Variants in LRP1B observed in about 807,000 individuals in gnomAD.
LRP1B encodes low-density lipoprotein receptor-related protein 1B.
LRP1B carries 217 observed loss-of-function variants against 556.6 expected under a neutral mutation model. That is an observed-to-expected ratio of 0.39 (90% CI 0.35 to 0.44). LRP1B has a LOEUF of 0.44. Among genes scored for constraint, LRP1B ranks in the 20% least tolerant of loss-of-function variants. The pLI is 1.00. For synonymous variants in LRP1B, 2,047 were observed against 1,865.8 expected (o/e 1.10, Z -2.50); for missense variants, 5,053 against 5,620.8 (o/e 0.90, Z 3.23).
intron 35 of LRP1B, among the ~76,000 whole-genome samples, chr2:140,746,450 T>C (rs910380518): frequency 6.6e-6 from 1 of 152,124 alleles, no homozygotes; most frequent in Non-Finnish European, 1.5e-5. Context: ...AGGTAGATGG[T>C]TTTCCTAATT....
At chr2:142,045,109 C>T (rs570941865) in intron 1 of LRP1B, among the ~76,000 whole-genome samples, 157 of 147,922 alleles carry the variant, frequency 1.1e-3, no homozygotes, top group African/African-American at 3.5e-3. Context: ...AATGCAAATA[C>T]GCATTTTCTA....
At chr2:141,934,283 G>A (rs1421162669) in intron 1 of LRP1B, among the ~76,000 whole-genome samples, 1 of 151,960 alleles carries the variant, frequency 6.6e-6, no homozygotes, top group Non-Finnish European at 1.5e-5. Flanking sequence ...ATGGAGGCTG[G>A]ACTGATGATG....
At chr2:141,097,230 G>A (rs1343559127) in intron 7 of LRP1B, among the ~76,000 whole-genome samples, 1 of 152,106 alleles carries the variant, frequency 6.6e-6, no homozygotes, top group Non-Finnish European at 1.5e-5. Flanking sequence ...AGAATCTATG[G>A]TAATTTATGC....
At chr2:141,310,712 CT>C (rs1553492465) in intron 3 of LRP1B, among the ~76,000 whole-genome samples, 3 of 152,020 alleles carry the variant, frequency 2.0e-5, no homozygotes. Flanking sequence ...AACCAATACA[CT>C]TTGTTAAAGT....
chr2:140,303,373 G>A (rs1408536042), intron 83 of LRP1B, among the ~76,000 whole-genome samples: 1 of 151,660 alleles, frequency 6.6e-6, no homozygotes. Context: ...TCAGCCTCCT[G>A]AGTAGCTGGA....
At chr2:142,060,982 G>A (rs1318326931) in intron 1 of LRP1B, among the ~76,000 whole-genome samples, 1 of 151,884 alleles carries the variant, frequency 6.6e-6, no homozygotes, top group Non-Finnish European at 1.5e-5. Context: ...AAGGAAACAG[G>A]AGTGAAGTTA....
At chr2:141,545,736 G>A (rs190452085) in intron 2 of LRP1B, among the ~76,000 whole-genome samples, 31 of 152,202 alleles carry the variant, frequency 2.0e-4, no homozygotes, top group African/African-American at 7.0e-4. Flanking sequence ...TGATCATAAA[G>A]AGACATGGCA....
chr2:140,988,050 G>A (rs548509720), intron 17 of LRP1B, among the ~76,000 whole-genome samples: 4 of 152,194 alleles, frequency 2.6e-5, no homozygotes, highest in Admixed American at 2.6e-4. Context: ...TATGGCAAGA[G>A]CAACTTGAGC....
At chr2:141,974,924 T>TC (rs1701843664) in intron 1 of LRP1B, among the ~76,000 whole-genome samples, 1 of 152,078 alleles carries the variant, frequency 6.6e-6, no homozygotes, top group African/African-American at 2.4e-5. Context: ...TAATTTGTTT[T>TC]CCCCCTCTTT....
intron 27 of LRP1B, among the ~76,000 whole-genome samples, chr2:140,858,152 A>C (rs547826806): frequency 6.6e-6 from 1 of 152,270 alleles, no homozygotes; most frequent in Non-Finnish European, 1.5e-5. Context: ...GAAGGATCTA[A>C]TAAACATTGT....
At chr2:140,525,781 T>C in intron 49 of LRP1B, 63 bp downstream of exon 49, 1 of 1,520,548 alleles carries the variant, frequency 6.6e-7, no homozygotes, top group Non-Finnish European at 9.0e-7. Flanking sequence ...ATTCACTCTA[T>C]ACAACCAGGT....
At chr2:140,252,090 CCCAAAAAACA>C (rs1681460026) in intron 86 of LRP1B, among the ~76,000 whole-genome samples, 1 of 27,198 alleles carries the variant, frequency 3.7e-5, no homozygotes, top group Non-Finnish European at 7.2e-5. Flanking sequence ...AAAAAAAAAA[CCCAAAAAACA>C]AAAAAAAACA....
chr2:140,723,841 C>T (rs1687498767), intron 35 of LRP1B, among the ~76,000 whole-genome samples: 1 of 152,160 alleles, frequency 6.6e-6, no homozygotes, highest in African/African-American at 2.4e-5. Flanking sequence ...TAGAAGTTAG[C>T]ACCACAATTT....
intron 41 of LRP1B, among the ~76,000 whole-genome samples, chr2:140,694,475 C>T (rs1212325321): frequency 6.6e-6 from 1 of 152,172 alleles, no homozygotes; most frequent in East Asian, 1.9e-4. Context: ...TCTACTACTT[C>T]TGGTAGCATC....
rs16843996 is a variant in LRP1B, at chr2:140,457,318, G to T, written c.9814+145C>A. On this transcript the variant is annotated intron_variant, in intron 61 of 90. Coordinates refer to ENST00000389484, the MANE Select transcript of LRP1B (RefSeq NM_018557.3). ...TTAAGAGCAGTACTTCATATTGACT[G>T]AATTCTTCCATAAAGTGATGCTAAA... The T allele has an allele frequency of 5.1e-3, 3,334 of 657,284 alleles. 78 individuals carry two copies. The highest frequency in any genetic ancestry group is 0.049 in the African/African-American group (2,705 of 54,862). The allele number at this position is 657,284 out of a possible 1,614,324, so 40.7% of individuals were successfully genotyped here. A position where few individuals can be genotyped will look rare whatever the true frequency, so the allele number is the denominator to read the frequency against.
intron 2 of LRP1B, among the ~76,000 whole-genome samples, chr2:141,675,883 C>T (rs921563057): frequency 2.0e-5 from 3 of 151,872 alleles, no homozygotes; most frequent in Non-Finnish European, 4.4e-5. Flanking sequence ...AATCTTTACA[C>T]CAATTTTTTA....
chr2:141,215,616 A>C (rs1028783702), intron 6 of LRP1B, among the ~76,000 whole-genome samples: 5 of 152,328 alleles, frequency 3.3e-5, no homozygotes, highest in African/African-American at 9.6e-5. Flanking sequence ...TCTCAGATTT[A>C]AATGAACTTA....
chr2:140,288,946 A>G (rs1683268445), intron 84 of LRP1B, among the ~76,000 whole-genome samples: 1 of 151,906 alleles, frequency 6.6e-6, no homozygotes, highest in Non-Finnish European at 1.5e-5. Flanking sequence ...ATAAAAGTAG[A>G]AGATTAAACC....
intron 2 of LRP1B, among the ~76,000 whole-genome samples, chr2:141,626,807 G>C (rs1354686081): frequency 6.6e-6 from 1 of 152,184 alleles, no homozygotes; most frequent in Non-Finnish European, 1.5e-5. Context: ...ATTAAATGCA[G>C]ACAGGAATGC....
Sources: gnomAD v4.1 joint callset for allele counts (sites outside exome capture counted in the v4.1 genomes callset) on GRCh38, gnomAD v4.1.1 for gene constraint, MANE v1.5 for transcripts, NCBI Gene and HGNC (gene_info 2026-07-23, HGNC 2026-07-21) for gene names.